Variants in UNC80 observed in about 807,000 individuals in gnomAD.
UNC80 encodes unc-80 subunit of NALCN channel complex.
UNC80 carries 164 observed loss-of-function variants against 384.6 expected under a neutral mutation model. The ratio of observed to expected loss-of-function variants is 0.43; its 90% CI spans 0.38 to 0.49. The LOEUF (loss-of-function observed/expected upper bound fraction) is 0.49. Among genes scored for constraint, UNC80 ranks in the 20% least tolerant of loss-of-function variants. UNC80 has a pLI of 0.00. For synonymous variants in UNC80, 1,486 were observed against 1,527.8 expected, an observed-to-expected ratio of 0.97 and a Z score of 0.64; for missense variants, 3,330 against 4,143.0, an observed-to-expected ratio of 0.80 and a Z score of 5.39.
Position 209,820,342 on chromosome 2 carries a change from A to G in UNC80, c.1994A>G (p.Asn665Ser). 1 of 1,549,524 alleles carries G rather than the reference A, an allele frequency of 6.5e-7. No homozygotes were observed. ...CTGAAGGCTGTTTATCTTGTCCTTA[A>G]TCATGACATCAGCTCTCGTATCTGT... ...VVLKAVYLVLNHDISSRICDV... is the reference protein window; with the variant it reads ...VVLKAVYLVLSHDISSRICDV... The change falls in exon 13 of 65, where the codon AAT (asparagine) becomes AGT (serine). Residue 665 changes from asparagine to serine, a missense_variant. Physicochemically the swap from Asn to Ser is conservative, Grantham distance 46. Coordinates refer to ENST00000673920, the MANE Select transcript of UNC80 (RefSeq NM_001371986.1).
chr2:209,983,543 G>T (rs538338249), intron 60 of UNC80, among the ~76,000 whole-genome samples: 2 of 151,542 alleles, frequency 1.3e-5, no homozygotes, highest in East Asian at 3.9e-4. Context: ...TCCTAAAAAA[G>T]ATATAAAGCC....
At chr2:209,809,591 T>C in intron 7 of UNC80, 1 of 757,140 alleles carries the variant, frequency 1.3e-6, no homozygotes, top group Non-Finnish European at 2.2e-6. Context: ...CCCTAGAGGC[T>C]CCCTCTTCCT....
At chr2:209,973,912 A>G (rs770311910) in intron 56 of UNC80, among the ~76,000 whole-genome samples, 8 of 152,126 alleles carry the variant, frequency 5.3e-5, no homozygotes, top group Non-Finnish European at 8.8e-5. Context: ...TCCTGCTCCC[A>G]TAGGCTTCCC....
At chr2:209,994,762 A>G (rs2093454518) in intron 64 of UNC80, among the ~76,000 whole-genome samples, 1 of 152,224 alleles carries the variant, frequency 6.6e-6, no homozygotes, top group African/African-American at 2.4e-5. Flanking sequence ...GTTTCCAAGC[A>G]TTCAGATAAA....
intron 62 of UNC80, 111 bp downstream of exon 62, chr2:209,992,358 C>A: frequency 9.7e-7 from 1 of 1,026,486 alleles, no homozygotes; most frequent in South Asian, 1.6e-5. Flanking sequence ...GCCCGGAATC[C>A]CAGCTACTGG....
chr2:209,782,105 A>G (rs1215635122), intron 4 of UNC80, among the ~76,000 whole-genome samples: 1 of 152,206 alleles, frequency 6.6e-6, no homozygotes, highest in South Asian at 2.1e-4. Context: ...CTTTCTAACT[A>G]GATTCAGTCT....
intron 64 of UNC80, among the ~76,000 whole-genome samples, 152 bp from the exon 65 acceptor site, chr2:209,995,176 AG>A (rs1351203183): frequency 2.6e-5 from 4 of 152,224 alleles, no homozygotes; most frequent in African/African-American, 9.6e-5. Flanking sequence ...AAAGTTGGAA[AG>A]GCCTACGTAA....
At chr2:209,781,242 T>A (rs1304934073) in intron 4 of UNC80, among the ~76,000 whole-genome samples, 3 of 152,188 alleles carry the variant, frequency 2.0e-5, no homozygotes, top group African/African-American at 7.2e-5. Context: ...TCACTGCCAT[T>A]TCTAATTTTT....
At chr2:209,832,600 T>C (rs972357602) in intron 16 of UNC80, among the ~76,000 whole-genome samples, 1 of 152,156 alleles carries the variant, frequency 6.6e-6, no homozygotes, top group Non-Finnish European at 1.5e-5. Flanking sequence ...AATCCCAAAC[T>C]AAAGGAGTTG....
intron 7 of UNC80, chr2:209,809,421 C>G: frequency 1.4e-6 from 2 of 1,448,610 alleles, no homozygotes; most frequent in Admixed American, 1.7e-5. Flanking sequence ...CCTGTACCCA[C>G]TGCAGCCGTG....
chr2:209,937,200 A>T (rs2091308736), intron 41 of UNC80, among the ~76,000 whole-genome samples: 1 of 152,224 alleles, frequency 6.6e-6, no homozygotes, highest in South Asian at 2.1e-4. Flanking sequence ...TAGATAAGAC[A>T]CTTAGGTATT....
At chr2:209,918,826 G>C (rs1559328926) in intron 33 of UNC80, among the ~76,000 whole-genome samples, 163 bp downstream of exon 33, 1 of 152,036 alleles carries the variant, frequency 6.6e-6, no homozygotes, top group Non-Finnish European at 1.5e-5. Flanking sequence ...ATAATATCGA[G>C]TAGTGAGTAC....
chr2:209,817,515 C>G (rs1360638689), intron 10 of UNC80, among the ~76,000 whole-genome samples: 1 of 151,426 alleles, frequency 6.6e-6, no homozygotes, highest in African/African-American at 2.4e-5. Context: ...TATTTTCTTT[C>G]TGGATTGCAT....
At chr2:209,775,735 A>G (rs2076826118) in intron 2 of UNC80, among the ~76,000 whole-genome samples, 154 bp from the exon 3 acceptor site, 1 of 152,250 alleles carries the variant, frequency 6.6e-6, no homozygotes, top group African/African-American at 2.4e-5. Context: ...AAATGCAATG[A>G]GTTCTCCCTA....
chr2:209,981,566 G>T (rs2093157667), intron 59 of UNC80, among the ~76,000 whole-genome samples: 1 of 149,168 alleles, frequency 6.7e-6, no homozygotes, highest in Non-Finnish European at 1.5e-5. Flanking sequence ...AACAGAGCGA[G>T]CCTCTGTCTC....
intron 13 of UNC80, 117 bp downstream of exon 13, chr2:209,820,796 T>C: frequency 8.9e-7 from 1 of 1,121,220 alleles, no homozygotes; most frequent in Admixed American, 2.9e-5. Flanking sequence ...AGCAAAAAAG[T>C]GGAGAGTGGA....
chr2:209,848,398 G>T (rs1440480289), intron 21 of UNC80, among the ~76,000 whole-genome samples: 1 of 152,036 alleles, frequency 6.6e-6, no homozygotes, highest in East Asian at 1.9e-4. Context: ...CATAAAGAAT[G>T]AAATATAGGA....
Position 209,813,821 on chromosome 2 carries a change from G to C in UNC80, c.1180G>C (p.Val394Leu). Reference protein sequence around the residue: ...SSMVAAAPSLVNTHKTQDLTM... With the variant: ...SSMVAAAPSLLNTHKTQDLTM... ...CATGGTGGCAGCAGCTCCCTCACTAGTGAACACCCACAAAACCCAAGTAAG... is the reference window on the plus strand; with the variant it reads ...CATGGTGGCAGCAGCTCCCTCACTACTGAACACCCACAAAACCCAAGTAAG... Residue 394 changes from valine to leucine, a missense_variant, in exon 8 of 65, where the codon GTG becomes CTG. Transcript: ENST00000673920. 6.4e-7 allele frequency: 1 copy of C among 1,551,990 alleles called. No homozygotes were observed. The highest frequency in any genetic ancestry group is 8.7e-7 in the Non-Finnish European group (1 of 1,147,012).
Position 209,789,513 on chromosome 2 carries a change from A to C in UNC80, c.725-19A>C. 6.3e-7 allele frequency: 1 copy of C among 1,589,182 alleles called. No homozygotes were observed. The highest frequency in any genetic ancestry group is 8.6e-7 in the Non-Finnish European group (1 of 1,162,208). Reference sequence around the variant, plus strand: ...ACTTAAAACCTTACAAAACGATGGAACTTCTTCCGTCTTTTCAGCTAAGAG... The same window carrying C: ...ACTTAAAACCTTACAAAACGATGGACCTTCTTCCGTCTTTTCAGCTAAGAG... On this transcript the variant is annotated intron_variant, in intron 5 of 64. Transcript: ENST00000673920.
Sources: allele counts gnomAD v4.1 joint callset (sites outside exome capture counted in the v4.1 genomes callset), GRCh38; gene constraint gnomAD v4.1.1; transcripts MANE v1.5; gene names NCBI Gene and HGNC (gene_info 2026-07-23, HGNC 2026-07-21).